PDE4D: variants seen among roughly 807,000 people sequenced by gnomAD.
PDE4D encodes the protein 3',5'-cyclic-AMP phosphodiesterase 4D.
PDE4D carries 24 observed loss-of-function variants against 87.4 expected under a neutral mutation model. The ratio of observed to expected loss-of-function variants is 0.27; its 90% CI spans 0.20 to 0.39. The LOEUF (loss-of-function observed/expected upper bound fraction) is 0.39, where lower values mean the gene tolerates loss of function less well. Ranked by LOEUF, PDE4D falls within the 10% of genes least tolerant of loss-of-function variation. The pLI is 1.00. For missense variants in PDE4D, 714 were observed against 1,041.0 expected, an observed-to-expected ratio of 0.69 and a Z score of 4.32; for synonymous variants, 384 against 383.2, an observed-to-expected ratio of 1.00 and a Z score of -0.02.
chr5:59,083,387 C>T (rs962150499), intron 5 of PDE4D, among the ~76,000 whole-genome samples: 1 of 152,020 alleles, frequency 6.6e-6, no homozygotes, highest in Non-Finnish European at 1.5e-5. Flanking sequence ...TTGAATTACT[C>T]TTCAGGTCAA....
At chr5:59,528,363 C>T (rs952332040) in intron 1 of PDE4D, among the ~76,000 whole-genome samples, 1 of 152,068 alleles carries the variant, frequency 6.6e-6, no homozygotes, top group Admixed American at 6.6e-5. Context: ...ATAAAAAGAG[C>T]ATAAGGTCAA....
intron 3 of PDE4D, among the ~76,000 whole-genome samples, chr5:59,957,855 G>A (rs1297219589): frequency 6.6e-6 from 1 of 151,984 alleles, no homozygotes; most frequent in African/African-American, 2.4e-5. Flanking sequence ...TATTGTCTAA[G>A]TAACTAAATG....
intron 1 of PDE4D, among the ~76,000 whole-genome samples, chr5:59,328,915 A>G (rs1776206326): frequency 6.6e-6 from 1 of 152,208 alleles, no homozygotes; most frequent in Admixed American, 6.5e-5. Context: ...CATCTGAGCC[A>G]ACTGCAAGCC....
chr5:59,192,140 T>C (rs922930777), intron 3 of PDE4D, among the ~76,000 whole-genome samples: 12 of 152,324 alleles, frequency 7.9e-5, no homozygotes, highest in Admixed American at 3.3e-4. Context: ...ATTATAGGTC[T>C]AAGTTACAGT....
intron 1 of PDE4D, among the ~76,000 whole-genome samples, chr5:59,794,575 C>G (rs1351779604): frequency 6.6e-6 from 1 of 152,008 alleles, no homozygotes; most frequent in Admixed American, 6.6e-5. Context: ...GTAATTATAC[C>G]AATTGTCACC....
rs1362460483 is a variant in PDE4D, at chr5:58,974,365, G to GAGTC, written c.*295_*298dup. Reference sequence around the variant, plus strand: ...CCAATAAACTTTTGGGCTGCCTGATGAGTCACACTCTCTTGAAAATAATTT... The same window carrying GAGTC: ...CCAATAAACTTTTGGGCTGCCTGATGAGTCAGTCACACTCTCTTGAAAATAATTT... On this transcript the variant is annotated 3_prime_UTR_variant, in exon 15 of 15. Transcript: ENST00000340635. 3 of 229,776 alleles carry GAGTC rather than the reference G, an allele frequency of 1.3e-5. No homozygotes were observed. The highest frequency in any genetic ancestry group is 1.7e-4 in the East Asian group (2 of 11,446). 14.2% of individuals were successfully genotyped at this position (229,776 alleles called of 1,614,324 possible).
At chr5:60,175,643 G>A (rs1232773691) in intron 2 of PDE4D, among the ~76,000 whole-genome samples, 1 of 152,150 alleles carries the variant, frequency 6.6e-6, no homozygotes, top group Non-Finnish European at 1.5e-5. Flanking sequence ...GGGCCCTAAA[G>A]AGAATGTGTC....
chr5:59,745,098 T>C (rs1332875469), intron 1 of PDE4D, among the ~76,000 whole-genome samples: 1 of 152,186 alleles, frequency 6.6e-6, no homozygotes, highest in African/African-American at 2.4e-5. Context: ...TCTTATCAGC[T>C]TTCACATCTC....
intron 1 of PDE4D, among the ~76,000 whole-genome samples, chr5:60,398,094 T>C (rs1763009486): frequency 6.6e-6 from 1 of 152,228 alleles, no homozygotes; most frequent in Non-Finnish European, 1.5e-5. Context: ...CATTCTTTTT[T>C]GTTTTTTAAT....
intron 1 of PDE4D, among the ~76,000 whole-genome samples, chr5:59,585,123 T>C (rs1167045883): frequency 6.6e-6 from 1 of 152,112 alleles, no homozygotes; most frequent in African/African-American, 2.4e-5. Context: ...CTGGGGATAG[T>C]AGCTCTGGTC....
intron 1 of PDE4D, among the ~76,000 whole-genome samples, chr5:60,237,680 G>A (rs1054487241): frequency 6.6e-6 from 1 of 151,908 alleles, no homozygotes; most frequent in Non-Finnish European, 1.5e-5. Flanking sequence ...TAGTGATTGG[G>A]GCTGTTCTGA....
At chr5:59,306,654 A>G (rs256128) in intron 1 of PDE4D, among the ~76,000 whole-genome samples, 151,555 of 151,646 alleles carry the variant, frequency 1, 75,733 homozygotes, top group Non-Finnish European at 1. Flanking sequence ...ACTTACAAGC[A>G]ACATGAAGGA....
At chr5:60,113,455 C>T (rs1347037387) in intron 2 of PDE4D, among the ~76,000 whole-genome samples, 1 of 152,036 alleles carries the variant, frequency 6.6e-6, no homozygotes, top group Non-Finnish European at 1.5e-5. Flanking sequence ...CTTTGTGTTG[C>T]TCCCTATTAA....
chr5:59,838,899 C>T (rs1448373738), intron 1 of PDE4D, among the ~76,000 whole-genome samples: 1 of 151,972 alleles, frequency 6.6e-6, no homozygotes, highest in African/African-American at 2.4e-5. Context: ...TACACAGACA[C>T]ACATCATTAG....
At chr5:59,596,892 C>A (rs1326605262) in intron 1 of PDE4D, among the ~76,000 whole-genome samples, 4 of 152,032 alleles carry the variant, frequency 2.6e-5, no homozygotes, top group African/African-American at 9.7e-5. Flanking sequence ...GACTCAGGGG[C>A]TGAAGTTACC....
chr5:60,370,608 C>T (rs1005955357), intron 1 of PDE4D, among the ~76,000 whole-genome samples: 3 of 152,252 alleles, frequency 2.0e-5, no homozygotes, highest in Middle Eastern at 3.4e-3. Context: ...TGGTCAGCCA[C>T]GCTATTTGAA....
intron 1 of PDE4D, among the ~76,000 whole-genome samples, chr5:60,483,033 A>G (rs1748852483): frequency 6.6e-6 from 1 of 152,222 alleles, no homozygotes; most frequent in Non-Finnish European, 1.5e-5. Context: ...TCACAGTTCT[A>G]CTGTATATGA....
intron 1 of PDE4D, among the ~76,000 whole-genome samples, chr5:59,544,725 T>C (rs1254845576): frequency 1.3e-5 from 2 of 152,176 alleles, no homozygotes; most frequent in East Asian, 3.8e-4. Flanking sequence ...AAGCGAGCTG[T>C]TAGCTGAATT....
intron 1 of PDE4D, among the ~76,000 whole-genome samples, chr5:59,846,113 C>CT (rs1296370649): frequency 6.6e-6 from 1 of 152,058 alleles, no homozygotes. Context: ...TGACTCCCTG[C>CT]TTTTTTTAGG....
Sources: gnomAD v4.1 joint callset for allele counts (sites outside exome capture counted in the v4.1 genomes callset) on GRCh38, gnomAD v4.1.1 for gene constraint, MANE v1.5 for transcripts, NCBI Gene and HGNC (gene_info 2026-07-23, HGNC 2026-07-21) for gene names.